Variants in CFAP58 observed in about 807,000 individuals in gnomAD.
CFAP58 encodes cilia and flagella associated protein 58.
In CFAP58, 88 loss-of-function variants were observed where a neutral mutation model predicts 119.5. That is an observed-to-expected ratio of 0.74 (90% CI 0.62 to 0.88). CFAP58 has a LOEUF of 0.88. Among genes scored for constraint, CFAP58 ranks in the 40% least tolerant of loss-of-function variants. The probability of loss-of-function intolerance (pLI) is 0.00; values close to 1 mark genes in which losing one functional copy is unlikely to be tolerated. For synonymous variants in CFAP58, 365 were observed against 366.3 expected (o/e 1.00, Z 0.04); for missense variants, 990 against 1,021.2 (o/e 0.97, Z 0.42).
chr10:104,417,408 G>A (rs970801084), intron 15 of CFAP58, among the ~76,000 whole-genome samples: 7 of 152,210 alleles, frequency 4.6e-5, no homozygotes, highest in Non-Finnish European at 7.3e-5. Context: ...TTTGTAGTTT[G>A]GAGGATGATA....
At position 104,406,808 on chromosome 10, in the gene CFAP58, T is replaced by G; in HGVS notation, c.2256+15T>G. The stretch of plus-strand genomic sequence containing the variant: ...TGCTCCTCCAGGTAGCATTTTTGTT[T>G]TCTGTACTCATTGTACAAGTCCTTA... On this transcript the variant is annotated intron_variant, in intron 15 of 17. Transcript: ENST00000369704. The G allele has an allele frequency of 6.2e-7, 1 of 1,602,616 alleles. No individual in the cohort carries two copies. The highest frequency in any genetic ancestry group is 8.6e-7 in the Non-Finnish European group (1 of 1,169,536).
the CFAP58 span, among the ~76,000 whole-genome samples, chr10:104,345,378 T>G: frequency 2.0e-5 from 3 of 152,068 alleles, no homozygotes; most frequent in Non-Finnish European, 4.4e-5. Flanking sequence ...TGTACTTCTG[T>G]TTGGGATCTT....
chr10:104,436,989 A>G (rs1260982021), intron 15 of CFAP58, among the ~76,000 whole-genome samples: 1 of 152,248 alleles, frequency 6.6e-6, no homozygotes, highest in Non-Finnish European at 1.5e-5. Flanking sequence ...AATAATATGC[A>G]TAGTGGTTAA....
intron 15 of CFAP58, among the ~76,000 whole-genome samples, chr10:104,419,455 C>T (rs1419138427): frequency 6.6e-6 from 1 of 152,062 alleles, no homozygotes; most frequent in African/African-American, 2.4e-5. Context: ...TGATACGGTC[C>T]CAAACGCAAT....
At position 104,380,204 on chromosome 10, in the gene CFAP58, G is replaced by C. The variant is rs1235533017; in HGVS notation, c.1349G>C (p.Ser450Thr). ...KERDRYINQASDLTQKVLMNM... is the reference protein window; with the variant it reads ...KERDRYINQATDLTQKVLMNM... Reference sequence around the variant, plus strand: ...CGTGACCGGTACATCAACCAAGCCAGTGACCTTACGCAAAAGGTAAGCTGC... The same window carrying C: ...CGTGACCGGTACATCAACCAAGCCACTGACCTTACGCAAAAGGTAAGCTGC... The change falls in exon 9 of 18, where the codon AGT (serine) becomes ACT (threonine). Residue 450 changes from serine (S) to threonine (T), a missense_variant. Physicochemically the swap from Ser to Thr is moderately conservative, Grantham distance 58 (BLOSUM62 1). Coordinates refer to ENST00000369704, the MANE Select transcript of CFAP58 (RefSeq NM_001008723.2). 1 of 1,613,710 alleles carries C rather than the reference G, an allele frequency of 6.2e-7. No individual in the cohort carries two copies. The highest frequency in any genetic ancestry group is 1.3e-5 in the African/African-American group (1 of 74,916).
chr10:104,435,192 A>C (rs2012912905), intron 15 of CFAP58, among the ~76,000 whole-genome samples: 1 of 152,168 alleles, frequency 6.6e-6, no homozygotes, highest in Non-Finnish European at 1.5e-5. Context: ...TAAATAGATA[A>C]GTAAACAGGC....
At chr10:104,405,337 T>C (rs2012341461) in intron 14 of CFAP58, among the ~76,000 whole-genome samples, 1 of 152,252 alleles carries the variant, frequency 6.6e-6, no homozygotes, top group African/African-American at 2.4e-5. Flanking sequence ...AATAGTAATA[T>C]GGATATGTCT....
At chr10:104,392,105 G>T in intron 9 of CFAP58, 128 bp from the exon 10 acceptor site, 1 of 746,954 alleles carries the variant, frequency 1.3e-6, no homozygotes. Flanking sequence ...AGTGATTATA[G>T]CCACTGTCAG....
chr10:104,368,939 G>GGA (rs1240418426), intron 6 of CFAP58, among the ~76,000 whole-genome samples: 2 of 152,120 alleles, frequency 1.3e-5, no homozygotes, highest in African/African-American at 4.8e-5. Flanking sequence ...GGAATGGCTG[G>GGA]GAGAGAGACT....
At chr10:104,352,346 A>C (rs1002335994), upstream of CFAP58, among the ~76,000 whole-genome samples, 5 of 152,214 alleles carry the variant, frequency 3.3e-5, no homozygotes, top group African/African-American at 1.2e-4. Context: ...GTACTAGGCT[A>C]CTGGGCATCG....
At chr10:104,387,463 G>A (rs2011947275) in intron 9 of CFAP58, among the ~76,000 whole-genome samples, 1 of 152,166 alleles carries the variant, frequency 6.6e-6, no homozygotes, top group Non-Finnish European at 1.5e-5. Flanking sequence ...GAGTCACATG[G>A]CCAAGGCTAA....
intron 6 of CFAP58, 110 bp downstream of exon 6, chr10:104,368,670 T>C (rs932688841): frequency 1.7e-6 from 2 of 1,152,158 alleles, no homozygotes; most frequent in Non-Finnish European, 1.3e-6. Flanking sequence ...ACTGAGTACA[T>C]TGACACATCA....
the CFAP58 span, among the ~76,000 whole-genome samples, chr10:104,345,472 A>G: frequency 1.3e-5 from 2 of 152,078 alleles, no homozygotes; most frequent in East Asian, 3.8e-4. Flanking sequence ...TTAGTCACTA[A>G]TCACTCCCAA....
At chr10:104,381,622 T>C (rs1236619281) in intron 9 of CFAP58, among the ~76,000 whole-genome samples, 1 of 152,204 alleles carries the variant, frequency 6.6e-6, no homozygotes, top group Non-Finnish European at 1.5e-5. Flanking sequence ...CTTAAATTTT[T>C]TTTTTTTTGG....
intron 2 of CFAP58, among the ~76,000 whole-genome samples, chr10:104,358,864 G>A (rs188077612): frequency 6.6e-6 from 1 of 152,210 alleles, no homozygotes; most frequent in East Asian, 1.9e-4. Flanking sequence ...TAATGGGTTA[G>A]GAAAAAGATT....
rs748090208 is a variant in CFAP58 at position 104,447,730 on chromosome 10, C to A, written c.2289C>A (p.His763Gln). ...EKEKLYMELK[H>Q]VLARQPGPEA... is the part of the protein sequence containing the mutation. ...AGAAACTCTACATGGAACTAAAGCACGTCTTGGCCCGCCAGCCTGGACCTG... is the reference window on the plus strand; with the variant it reads ...AGAAACTCTACATGGAACTAAAGCAAGTCTTGGCCCGCCAGCCTGGACCTG... Residue 763 changes from histidine to glutamine, a missense_variant, in exon 16 of 18, where the codon CAC becomes CAA. Physicochemically the swap from His to Gln is conservative, Grantham distance 24. Coordinates refer to ENST00000369704, the MANE Select transcript of CFAP58 (RefSeq NM_001008723.2). 2 of 1,614,058 alleles carry A rather than the reference C, an allele frequency of 1.2e-6. No individual in the cohort carries two copies. The highest frequency in any genetic ancestry group is 1.7e-6 in the Non-Finnish European group (2 of 1,180,024).
intron 8 of CFAP58, among the ~76,000 whole-genome samples, chr10:104,378,200 G>A (rs1280147753): frequency 6.6e-6 from 1 of 152,054 alleles, no homozygotes; most frequent in Non-Finnish European, 1.5e-5. Flanking sequence ...TTGATAATAC[G>A]TTATTTCCCC....
the CFAP58 span, among the ~76,000 whole-genome samples, chr10:104,342,844 C>CA: frequency 0.042 from 2,047 of 48,218 alleles, 127 homozygotes; most frequent in Non-Finnish European, 0.06. Context: ...GACCCTGTAT[C>CA]AAAAAAAAAA....
In CFAP58 at chr10:104,406,705, CAT is replaced by C. The variant is rs1299995834; in HGVS notation, c.2171_2172del (p.Tyr724Ter). The C allele has an allele frequency of 1.2e-6, 2 of 1,614,172 alleles. No homozygotes were observed. Among genetic ancestry groups the C allele is most frequent in the South Asian group, 2.2e-5 (2 of 91,086 alleles). On this transcript the variant is annotated frameshift_variant, in exon 15 of 18. Transcript: ENST00000369704. LOFTEE classifies it high-confidence loss of function. Reference sequence around the variant, plus strand: ...CTTGGACAGGCCAGCGACCCCAATGCATATGAGCTGATACAGAAAATTCACAC... The same window carrying C: ...CTTGGACAGGCCAGCGACCCCAATGCATGAGCTGATACAGAAAATTCACAC...
Sources: gnomAD v4.1 joint callset for allele counts (sites outside exome capture counted in the v4.1 genomes callset) on GRCh38, gnomAD v4.1.1 for gene constraint, MANE v1.5 for transcripts, NCBI Gene and HGNC (gene_info 2026-07-23, HGNC 2026-07-21) for gene names.